FLI1: variants seen among roughly 807,000 people sequenced by gnomAD.
FLI1 encodes Friend leukemia integration 1 transcription factor.
Under a neutral mutation model 53.1 loss-of-function variants are expected in FLI1, and 13 were observed. That is an observed-to-expected ratio of 0.24 (90% CI 0.16 to 0.39). The LOEUF (loss-of-function observed/expected upper bound fraction) is 0.39, where lower values mean the gene tolerates loss of function less well. Ranked by LOEUF, FLI1 falls within the 10% of genes least tolerant of loss-of-function variation. The pLI is 1.00. For missense variants in FLI1, 424 were observed against 600.5 expected (o/e 0.71, Z 3.07); for synonymous variants, 244 against 236.7 (o/e 1.03, Z -0.28).
intron 5 of FLI1, among the ~76,000 whole-genome samples, chr11:128,799,554 C>T (rs7101856): frequency 2.3e-3 from 357 of 152,292 alleles, no homozygotes; most frequent in African/African-American, 8.1e-3. Flanking sequence ...AGGCCAATGG[C>T]GGAGCTGGGA....
intron 1 of FLI1, among the ~76,000 whole-genome samples, chr11:128,730,241 C>A (rs926513257): frequency 6.6e-6 from 1 of 152,222 alleles, no homozygotes; most frequent in African/African-American, 2.4e-5. Context: ...TCCATCCTCA[C>A]AACCCTATTT....
intron 1 of FLI1, among the ~76,000 whole-genome samples, chr11:128,745,830 A>C (rs1940361611): frequency 6.6e-6 from 1 of 152,136 alleles, no homozygotes; most frequent in Non-Finnish European, 1.5e-5. Flanking sequence ...GTGTTGCTGG[A>C]AGGGAGTGAA....
intron 5 of FLI1, among the ~76,000 whole-genome samples, chr11:128,799,364 G>A (rs369490164): frequency 6.6e-6 from 1 of 152,142 alleles, no homozygotes; most frequent in Admixed American, 6.5e-5. Flanking sequence ...AAGCATGGTA[G>A]AGGGGCAAGC....
intron 1 of FLI1, among the ~76,000 whole-genome samples, chr11:128,716,041 T>C (rs1458905202): frequency 1.3e-5 from 2 of 152,126 alleles, no homozygotes; most frequent in African/African-American, 4.8e-5. Context: ...AGCATTTGCA[T>C]GGTTAGAAGT....
At chr11:128,766,384 C>T (rs1190143460) in intron 2 of FLI1, among the ~76,000 whole-genome samples, 4 of 152,092 alleles carry the variant, frequency 2.6e-5, no homozygotes, top group South Asian at 2.1e-4. Flanking sequence ...AAACAGTAGG[C>T]GAATAGTAAA....
At chr11:128,701,480 G>A (rs891244064) in intron 1 of FLI1, among the ~76,000 whole-genome samples, 1 of 152,072 alleles carries the variant, frequency 6.6e-6, no homozygotes, top group African/African-American at 2.4e-5. Context: ...ACTCATCACC[G>A]TCATTCCAAG....
At chr11:128,773,015 G>A (rs749190128) in intron 4 of FLI1, 30 bp downstream of exon 4, 3 of 1,601,996 alleles carry the variant, frequency 1.9e-6, no homozygotes, top group African/African-American at 1.3e-5. Flanking sequence ...CCAGGGCTGG[G>A]AGGAAGCTTG....
intron 1 of FLI1, among the ~76,000 whole-genome samples, chr11:128,743,111 G>A (rs138166634): frequency 6.6e-4 from 101 of 152,268 alleles, no homozygotes; most frequent in Middle Eastern, 3.4e-3. Flanking sequence ...GAGCCATCTG[G>A]ACATGGTGGC....
Position 128,694,151 on chromosome 11 carries a change from C to A in FLI1, c.-108C>A. The A allele has an allele frequency of 7.8e-7, 1 of 1,276,302 alleles. No individual in the cohort carries two copies. 79.1% of individuals were successfully genotyped at this position (1,276,302 alleles called of 1,614,324 possible). A position where few individuals can be genotyped will look rare whatever the true frequency, so the allele number is the denominator to read the frequency against. Reference sequence around the variant, plus strand: ...TCGCAGGGGGCACGCAGGGAGGGCCCAGGGCGCCAGGGAGGCCGCGCCGGG... The same window carrying A: ...TCGCAGGGGGCACGCAGGGAGGGCCAAGGGCGCCAGGGAGGCCGCGCCGGG... On this transcript the variant is annotated 5_prime_UTR_variant, in exon 1 of 9. Coordinates refer to ENST00000527786, the MANE Select transcript of FLI1 (RefSeq NM_002017.5).
rs532388559 is a variant in FLI1 at position 128,812,194 on chromosome 11, A to T, written c.*1206A>T. On this transcript the variant is annotated 3_prime_UTR_variant, in exon 9 of 9. Coordinates refer to ENST00000527786, the MANE Select transcript of FLI1 (RefSeq NM_002017.5). ...TTAATGCTTTGGAAATGCGTGTAAC[A>T]GTACTGCAATAATCACAGCTCTGGG... 189 of 218,890 alleles carry T rather than the reference A, an allele frequency of 8.6e-4. No individual in the cohort carries two copies. The highest frequency in any genetic ancestry group is 1.5e-3 in the Non-Finnish European group (163 of 108,884). 13.6% of individuals were successfully genotyped at this position (218,890 alleles called of 1,614,324 possible).
intron 1 of FLI1, among the ~76,000 whole-genome samples, chr11:128,751,347 A>T (rs1565481710): frequency 6.8e-6 from 1 of 147,672 alleles, no homozygotes; most frequent in African/African-American, 2.5e-5. Context: ...CTTCATTAAA[A>T]TTTTTTTTAA....
chr11:128,764,421 G>A (rs2135822937), intron 2 of FLI1, among the ~76,000 whole-genome samples: 1 of 152,346 alleles, frequency 6.6e-6, no homozygotes, highest in Non-Finnish European at 1.5e-5. Context: ...AGATGGAGAT[G>A]TGCTGAGTTA....
chr11:128,790,851 A>G (rs656972), intron 5 of FLI1, among the ~76,000 whole-genome samples: 59,728 of 152,000 alleles, frequency 0.39, 12,883 homozygotes, highest in African/African-American at 0.6. Flanking sequence ...GTGTTAATTG[A>G]TGGATTAATT....
chr11:128,802,296 C>T (rs1006783495), intron 5 of FLI1, among the ~76,000 whole-genome samples: 4 of 152,196 alleles, frequency 2.6e-5, no homozygotes, highest in Non-Finnish European at 4.4e-5. Flanking sequence ...GACGTCTCCT[C>T]GAGCCCCAGA....
chr11:128,703,732 A>G (rs1487480030), intron 1 of FLI1, among the ~76,000 whole-genome samples: 1 of 150,524 alleles, frequency 6.6e-6, no homozygotes, highest in African/African-American at 2.4e-5. Context: ...AGTCCCAGCT[A>G]CTGGGGAGGC....
At chr11:128,806,663 G>T (rs1405998259) in intron 6 of FLI1, 1 of 152,318 alleles carries the variant, frequency 6.6e-6, no homozygotes, top group African/African-American at 2.4e-5. Flanking sequence ...AAGCAATACA[G>T]ATCTGTGATG....
intron 1 of FLI1, among the ~76,000 whole-genome samples, chr11:128,750,862 C>T (rs1230679711): frequency 6.6e-6 from 1 of 152,202 alleles, no homozygotes. Context: ...TTTTTAAATT[C>T]GTGAATGCAC....
intron 1 of FLI1, among the ~76,000 whole-genome samples, chr11:128,725,637 A>ATT (rs1257566682): frequency 6.5e-5 from 7 of 107,610 alleles, no homozygotes; most frequent in African/African-American, 2.8e-4. Flanking sequence ...CCTTTCTTTC[A>ATT]TTCTCTCTCC....
chr11:128,784,623 G>A (rs1250719975), intron 5 of FLI1, among the ~76,000 whole-genome samples: 2 of 152,126 alleles, frequency 1.3e-5, no homozygotes, highest in Non-Finnish European at 2.9e-5. Flanking sequence ...GAGGTGGTCT[G>A]AATCTGTCTG....
Sources: allele counts gnomAD v4.1 joint callset (sites outside exome capture counted in the v4.1 genomes callset), GRCh38; gene constraint gnomAD v4.1.1; transcripts MANE v1.5; gene names NCBI Gene and HGNC (gene_info 2026-07-23, HGNC 2026-07-21).